PHF24: variants seen among roughly 807,000 people sequenced by gnomAD.
The protein encoded by PHF24 is PHD finger protein 24.
PHF24 carries 25 observed loss-of-function variants against 42.6 expected under a neutral mutation model. The ratio of observed to expected loss-of-function variants is 0.59; its 90% CI spans 0.43 to 0.82. The LOEUF (loss-of-function observed/expected upper bound fraction) is 0.82, where lower values mean the gene tolerates loss of function less well. PHF24 is among the 40% of genes least tolerant of loss of function. The pLI is 0.00. For synonymous variants in PHF24, 185 were observed against 204.8 expected (o/e 0.90, Z 0.83); for missense variants, 470 against 538.1 (o/e 0.87, Z 1.25).
the PHF24 span, among the ~76,000 whole-genome samples, chr9:34,883,196 C>T: frequency 6.6e-6 from 1 of 152,108 alleles, no homozygotes; most frequent in African/African-American, 2.4e-5. Context: ...TTCCTTACAC[C>T]TTATACAAAA....
chr9:34,706,799 C>T, the PHF24 span, among the ~76,000 whole-genome samples: 1 of 151,948 alleles, frequency 6.6e-6, no homozygotes, highest in East Asian at 1.9e-4. Context: ...TCAAAGGGAG[C>T]CTGACGTCAA....
the PHF24 span, among the ~76,000 whole-genome samples, chr9:34,897,475 T>C: frequency 6.6e-6 from 1 of 152,228 alleles, no homozygotes; most frequent in Non-Finnish European, 1.5e-5. Flanking sequence ...ATCTTATTCA[T>C]AAATGAATGC....
chr9:34,797,268 G>C, the PHF24 span, among the ~76,000 whole-genome samples: 1 of 152,200 alleles, frequency 6.6e-6, no homozygotes, highest in Non-Finnish European at 1.5e-5. Flanking sequence ...ATGTATTACA[G>C]AGTGCTCTTT....
the PHF24 span, chr9:34,724,236 T>C: frequency 1.4e-5 from 22 of 1,551,412 alleles, no homozygotes; most frequent in Non-Finnish European, 1.8e-5. Context: ...GCCTCTGTCA[T>C]GTCCCCACTG....
chr9:34,726,970 C>T, the PHF24 span: 1 of 1,547,902 alleles, frequency 6.5e-7, no homozygotes, highest in Non-Finnish European at 8.7e-7. Flanking sequence ...CACTTCTCTC[C>T]AGAGGAAGCC....
At chr9:34,920,146 T>G in the PHF24 span, among the ~76,000 whole-genome samples, 1 of 152,234 alleles carries the variant, frequency 6.6e-6, no homozygotes, top group Admixed American at 6.5e-5. Context: ...TTCTCCATAG[T>G]GGCTGTACTA....
chr9:34,780,141 C>A, the PHF24 span, among the ~76,000 whole-genome samples: 1 of 152,112 alleles, frequency 6.6e-6, no homozygotes, highest in Admixed American at 6.5e-5. Flanking sequence ...CCTTACCTTA[C>A]ACGCTGTACA....
chr9:34,944,190 C>CA, the PHF24 span, among the ~76,000 whole-genome samples: 3 of 152,132 alleles, frequency 2.0e-5, no homozygotes, highest in African/African-American at 4.8e-5. Flanking sequence ...TCCTGTGTTC[C>CA]AAAAAATTGT....
the PHF24 span, among the ~76,000 whole-genome samples, chr9:34,904,481 T>C: frequency 6.6e-6 from 1 of 152,242 alleles, no homozygotes; most frequent in East Asian, 1.9e-4. Flanking sequence ...ATTGAGATGA[T>C]CATGTGACTT....
the PHF24 span, among the ~76,000 whole-genome samples, chr9:34,937,647 T>TTAAAAAA: frequency 5.3e-4 from 76 of 142,832 alleles, 1 homozygote; most frequent in African/African-American, 1.8e-3. Context: ...ATGATCAATT[T>TTAAAAAA]AAAAAAAAAA....
the PHF24 span, chr9:34,893,205 G>A: frequency 1.1e-5 from 5 of 472,490 alleles, no homozygotes; most frequent in Admixed American, 3.5e-5. Context: ...CTGCCTTCTC[G>A]GAAAAGTGTG....
the PHF24 span, among the ~76,000 whole-genome samples, chr9:34,787,635 C>T: frequency 6.6e-6 from 1 of 152,132 alleles, no homozygotes; most frequent in Non-Finnish European, 1.5e-5. Flanking sequence ...GTAGAAAAGC[C>T]AGTGATCTGC....
At chr9:34,742,045 T>C in the PHF24 span, among the ~76,000 whole-genome samples, 1 of 152,142 alleles carries the variant, frequency 6.6e-6, no homozygotes, top group Non-Finnish European at 1.5e-5. Flanking sequence ...TACTGAACCT[T>C]TGGAGATTCC....
the PHF24 span, among the ~76,000 whole-genome samples, chr9:34,718,871 A>G: frequency 6.6e-6 from 1 of 152,180 alleles, no homozygotes; most frequent in Non-Finnish European, 1.5e-5. Flanking sequence ...CCTCCAGCCA[A>G]TTCTGAAGTG....
the PHF24 span, among the ~76,000 whole-genome samples, chr9:34,704,503 TATC>T: frequency 0.32 from 46,597 of 145,072 alleles, 7,356 homozygotes; most frequent in Admixed American, 0.36. Context: ...GTGTGTATGT[TATC>T]ATTTTGTGGA....
the PHF24 span, among the ~76,000 whole-genome samples, chr9:34,686,146 T>C: frequency 0.27 from 41,282 of 152,178 alleles, 5,648 homozygotes; most frequent in South Asian, 0.31. Flanking sequence ...TAGGAAGTTA[T>C]CTGACTGGAG....
the PHF24 span, among the ~76,000 whole-genome samples, chr9:34,765,966 G>A: frequency 6.6e-6 from 1 of 151,708 alleles, no homozygotes; most frequent in Non-Finnish European, 1.5e-5. Context: ...ATGAAGCTTA[G>A]TTTGGCTGGA....
the PHF24 span, among the ~76,000 whole-genome samples, chr9:34,795,022 C>A: frequency 3.3e-5 from 5 of 151,876 alleles, no homozygotes; most frequent in Non-Finnish European, 5.9e-5. Context: ...TTATGCTCAG[C>A]CACATAATAA....
At chr9:34,805,210 A>G in the PHF24 span, among the ~76,000 whole-genome samples, 5 of 152,166 alleles carry the variant, frequency 3.3e-5, no homozygotes, top group African/African-American at 1.2e-4. Flanking sequence ...TTTCATTTCT[A>G]TTGGGAATAT....
Sources: gnomAD v4.1 joint callset for allele counts (sites outside exome capture counted in the v4.1 genomes callset) on GRCh38, gnomAD v4.1.1 for gene constraint, MANE v1.5 for transcripts, NCBI Gene and HGNC (gene_info 2026-07-23, HGNC 2026-07-21) for gene names.